PPP2R2C: variants seen among roughly 807,000 people sequenced by gnomAD.
The protein encoded by PPP2R2C is protein phosphatase 2 regulatory subunit Bgamma, also known as protein phosphatase 2, regulatory subunit B, gamma.
PPP2R2C carries 10 observed loss-of-function variants against 45.3 expected under a neutral mutation model. The observed-to-expected ratio is 0.22, with a 90% CI of 0.14 to 0.37. The LOEUF (loss-of-function observed/expected upper bound fraction) is 0.37. Among genes scored for constraint, PPP2R2C ranks in the 10% least tolerant of loss-of-function variants. The pLI, the probability that PPP2R2C is intolerant of heterozygous loss-of-function variation, is 1.00. For missense variants in PPP2R2C, 308 were observed against 619.7 expected, an observed-to-expected ratio of 0.50 and a Z score of 5.34; for synonymous variants, 257 against 245.4, an observed-to-expected ratio of 1.05 and a Z score of -0.44.
rs1260861764 is a variant in PPP2R2C at position 6,563,221 on chromosome 4, C to T, written c.-59+339G>A. ...TGGCTGACACCGGTGGAGCGATCTG[C>T]CCTGGCTCGCGCGGCGAGCAAGTGC... On this transcript the variant is annotated intron_variant, in intron 1 of 9. Coordinates refer to the PPP2R2C transcript ENST00000506140. The surrounding 1 kb of genome is among the most constrained non-coding windows in gnomAD (Gnocchi z 5.8). Among the ~76,000 whole-genome samples the T allele has an allele frequency of 6.6e-6, 1 of 152,218 alleles. No individual in the cohort carries two copies. Among genetic ancestry groups the T allele is most frequent in the African/African-American group, 2.4e-5 (1 of 41,460 alleles).
intron 1 of PPP2R2C, among the ~76,000 whole-genome samples, chr4:6,552,924 A>G (rs1166214773): frequency 6.6e-6 from 1 of 152,218 alleles, no homozygotes; most frequent in East Asian, 1.9e-4. Context: ...CACATGCCCC[A>G]GTTCCAATGG....
rs1053317370 is a variant in PPP2R2C at position 6,328,768 on chromosome 4, C to T, written c.1052+494G>A. 6.6e-6 allele frequency among the ~76,000 whole-genome samples: 1 copy of T among 152,164 alleles called. No individual in the cohort carries two copies. The highest frequency in any genetic ancestry group is 2.4e-5 in the African/African-American group (1 of 41,436). ...TGGAGGGTGTAGGAGCTCCAAGGTGCCCCTGAGCCTCAGCGGGCCCGAGTG... is the reference window on the plus strand; with the variant it reads ...TGGAGGGTGTAGGAGCTCCAAGGTGTCCCTGAGCCTCAGCGGGCCCGAGTG... On this transcript the variant is annotated intron_variant, in intron 8 of 8. Transcript: ENST00000382599. This position sits in a 1 kb window ranked among gnomAD's most constrained non-coding sequence, Gnocchi z 4.4.
At chr4:6,344,228 G>A (rs944443011) in intron 6 of PPP2R2C, among the ~76,000 whole-genome samples, 1 of 152,218 alleles carries the variant, frequency 6.6e-6, no homozygotes, top group African/African-American at 2.4e-5. Context: ...GGAATCTGCC[G>A]AGGCCCTAAA....
chr4:6,450,938 AT>A (rs1444687114), intron 1 of PPP2R2C, among the ~76,000 whole-genome samples: 3 of 152,138 alleles, frequency 2.0e-5, no homozygotes, highest in Admixed American at 1.3e-4. Context: ...ACAGTCTGGA[AT>A]GACTCAGGGA....
At position 6,329,587 on chromosome 4, in the gene PPP2R2C, T is replaced by A. The variant is rs944679839; in HGVS notation, c.961-234A>T. On this transcript the variant is annotated intron_variant, in intron 7 of 8. Coordinates refer to ENST00000382599, the MANE Select transcript of PPP2R2C (RefSeq NM_020416.4). This position sits in a 1 kb window ranked among gnomAD's most constrained non-coding sequence, Gnocchi z 5.8. ...TGACCCCGACCGTGACACAGCCCAA[T>A]ACAGCCCTGCTCATCTTATCGGGGG... 1.6e-5 allele frequency among the ~76,000 whole-genome samples: 2 copies of A among 124,680 alleles called. No individual in the cohort carries two copies. The highest frequency in any genetic ancestry group is 4.7e-5 in the African/African-American group (1 of 21,080). The allele number at this position is 124,680 out of a possible 152,430, so 81.8% of individuals were successfully genotyped here.
chr4:6,498,602 A>G (rs964809026), intron 2 of PPP2R2C, among the ~76,000 whole-genome samples: 3 of 152,156 alleles, frequency 2.0e-5, no homozygotes, highest in Non-Finnish European at 4.4e-5. Context: ...AGCAGTTTGG[A>G]AAGGGGACCA....
At chr4:6,419,242 AC>A (rs1718806147) in intron 1 of PPP2R2C, among the ~76,000 whole-genome samples, 1 of 152,060 alleles carries the variant, frequency 6.6e-6, no homozygotes, top group South Asian at 2.1e-4. Flanking sequence ...ACGTGGTGAA[AC>A]CCCATCTCTA....
intron 4 of PPP2R2C, among the ~76,000 whole-genome samples, chr4:6,375,309 TG>T (rs1240970443): frequency 6.6e-6 from 1 of 152,244 alleles, no homozygotes; most frequent in Non-Finnish European, 1.5e-5. Context: ...CACTGGATGC[TG>T]GGCACGTGTG....
intron 1 of PPP2R2C, among the ~76,000 whole-genome samples, chr4:6,537,202 CA>C (rs1014074149): frequency 6.9e-5 from 10 of 144,132 alleles, no homozygotes; most frequent in African/African-American, 1.5e-4. Flanking sequence ...GACTCCATCT[CA>C]AAAAAAAAAG....
intron 1 of PPP2R2C, among the ~76,000 whole-genome samples, chr4:6,464,166 G>A (rs182642128): frequency 1.8e-4 from 27 of 152,330 alleles, no homozygotes; most frequent in Admixed American, 1.2e-3. Flanking sequence ...TGAGATGCAC[G>A]CAGCCTCATG....
At chr4:6,373,900 C>CGTGT (rs1560492609) in intron 4 of PPP2R2C, among the ~76,000 whole-genome samples, 122 of 123,882 alleles carry the variant, frequency 9.8e-4, no homozygotes, top group Middle Eastern at 4.4e-3. Context: ...TATGTGCATG[C>CGTGT]ATGTGTGTGT....
At chr4:6,546,661 T>C (rs1577251492) in intron 1 of PPP2R2C, among the ~76,000 whole-genome samples, 1 of 152,056 alleles carries the variant, frequency 6.6e-6, no homozygotes, top group East Asian at 1.9e-4. Flanking sequence ...TATAAAACAG[T>C]ATATTTCTTA....
At chr4:6,382,584 T>C in intron 1 of PPP2R2C, 4 of 1,262,110 alleles carry the variant, frequency 3.2e-6, no homozygotes, top group South Asian at 2.5e-5. Context: ...GACAGCTCTA[T>C]TGTTCACTTG....
intron 2 of PPP2R2C, among the ~76,000 whole-genome samples, chr4:6,509,468 C>T (rs1264110503): frequency 6.8e-6 from 1 of 147,294 alleles, no homozygotes; most frequent in Admixed American, 6.7e-5. Flanking sequence ...ATCAATTGAG[C>T]CTCTGGCAAA....
At chr4:6,437,532 T>A (rs566720524) in intron 1 of PPP2R2C, among the ~76,000 whole-genome samples, 4 of 152,346 alleles carry the variant, frequency 2.6e-5, no homozygotes, top group Non-Finnish European at 4.4e-5. Flanking sequence ...AATCCAGGAC[T>A]CTGTCACTTC....
intron 1 of PPP2R2C, among the ~76,000 whole-genome samples, chr4:6,542,670 C>G (rs867114593): frequency 8.3e-5 from 11 of 133,054 alleles, no homozygotes; most frequent in Middle Eastern, 5.3e-3. Context: ...CACCACTGAA[C>G]TCCCCTTGGG....
At chr4:6,461,259 T>C (rs1361530445) in intron 1 of PPP2R2C, among the ~76,000 whole-genome samples, 1 of 152,116 alleles carries the variant, frequency 6.6e-6, no homozygotes, top group African/African-American at 2.4e-5. Context: ...AGTGAGGGTG[T>C]CTCCAGCACA....
At chr4:6,373,240 G>C (rs1715005609) in intron 4 of PPP2R2C, among the ~76,000 whole-genome samples, 3 of 152,226 alleles carry the variant, frequency 2.0e-5, no homozygotes, top group Non-Finnish European at 4.4e-5. Flanking sequence ...ATGGGATGGG[G>C]ATGGAAGGAT....
intron 1 of PPP2R2C, among the ~76,000 whole-genome samples, chr4:6,461,810 C>A (rs1721335574): frequency 6.6e-6 from 1 of 152,248 alleles, no homozygotes; most frequent in African/African-American, 2.4e-5. Flanking sequence ...ATGTAGTGAC[C>A]AGCTGAGGGG....
Sources: gnomAD v4.1 joint callset for allele counts (sites outside exome capture counted in the v4.1 genomes callset) on GRCh38, gnomAD v4.1.1 for gene constraint, Gnocchi (gnomAD v3.1) non-coding constraint, MANE v1.5 for transcripts, NCBI Gene and HGNC (gene_info 2026-07-23, HGNC 2026-07-21) for gene names.